SLC22A6: variants seen among roughly 807,000 people sequenced by gnomAD.
The protein encoded by SLC22A6 is solute carrier family 22 member 6.
Under a neutral mutation model 56.7 loss-of-function variants are expected in SLC22A6, and 45 were observed. The observed-to-expected ratio is 0.79, with a 90% CI of 0.63 to 1.02. The LOEUF (loss-of-function observed/expected upper bound fraction) is 1.02. Among genes scored for constraint, SLC22A6 ranks in the 50% least tolerant of loss-of-function variants. The pLI, the probability that SLC22A6 is intolerant of heterozygous loss-of-function variation, is 0.00. For synonymous variants in SLC22A6, 291 were observed against 295.9 expected (o/e 0.98, Z 0.17); for missense variants, 606 against 713.8 (o/e 0.85, Z 1.72).
intron 1 of SLC22A6, 36 bp downstream of exon 1, chr11:62,984,286 A>T: frequency 1.9e-6 from 3 of 1,596,806 alleles, no homozygotes; most frequent in South Asian, 1.1e-5. Flanking sequence ...CCATCTTCCC[A>T]TCTTGGCCCC....
intron 6 of SLC22A6, among the ~76,000 whole-genome samples, chr11:62,980,703 G>A (rs916380057): frequency 1.3e-5 from 2 of 152,224 alleles, no homozygotes; most frequent in Non-Finnish European, 2.9e-5. Flanking sequence ...CATGATGTAA[G>A]TCTATTGACT....
chr11:62,982,771 C>A (rs1377849373), intron 3 of SLC22A6, among the ~76,000 whole-genome samples: 1 of 152,190 alleles, frequency 6.6e-6, no homozygotes, highest in Non-Finnish European at 1.5e-5. Context: ...ACTCAGTCCA[C>A]AAATGTGTCT....
rs756968059 is a variant in SLC22A6 at position 62,981,952 on chromosome 11, G to C, written c.687C>G (p.Val229=). 5.0e-6 allele frequency: 8 copies of C among 1,614,078 alleles called. No individual in the cohort carries two copies. Among genetic ancestry groups the C allele is most frequent in the Non-Finnish European group, 6.8e-6 (8 of 1,180,032 alleles). The change falls in exon 4 of 10, where the codon GTC becomes GTG. Residue 229 remains valine, a synonymous_variant. Transcript: ENST00000360421. ...RACVGTLIGY[V]YSLGQFLLAG... is the part of the protein sequence containing the mutation. ...CCAGGAGGAACTGGCCCAGGCTGTAGACATAGCCAATCAAGGTGCCCACGC... is the reference window on the plus strand; with the variant it reads ...CCAGGAGGAACTGGCCCAGGCTGTACACATAGCCAATCAAGGTGCCCACGC...
intron 8 of SLC22A6, among the ~76,000 whole-genome samples, chr11:62,978,889 C>T (rs183025880): frequency 1.6e-3 from 247 of 151,786 alleles, no homozygotes; most frequent in Non-Finnish European, 1.9e-3. Flanking sequence ...CGTGCCCGGC[C>T]GGTCTTGATC....
chr11:62,983,396 T>G lies in SLC22A6; in HGVS notation c.628+141A>C. The G allele has an allele frequency of 2.4e-6, 2 of 835,280 alleles. No individual in the cohort carries two copies. The highest frequency in any genetic ancestry group is 1.7e-5 in the African/African-American group (1 of 57,456). The allele number at this position is 835,280 out of a possible 1,614,324, so 51.7% of individuals were successfully genotyped here. A position where few individuals can be genotyped will look rare whatever the true frequency, so the allele number is the denominator to read the frequency against. On this transcript the variant is annotated intron_variant, in intron 3 of 9. Transcript: ENST00000360421. The surrounding 1 kb of genome is among the most constrained non-coding windows in gnomAD (Gnocchi z 4.5). ...AGGGCGGCATGAGCCTGAGAAAAGG[T>G]TGTTCTATTGGCAGGAAGGTGAGAC... is the stretch of plus-strand genomic sequence containing the variant.
In SLC22A6 at chr11:62,981,956, T is replaced by C; in HGVS notation, c.683A>G (p.Tyr228Cys). The C allele has an allele frequency of 1.1e-5, 18 of 1,614,142 alleles. No individual in the cohort carries two copies. Among genetic ancestry groups the C allele is most frequent in the Non-Finnish European group, 1.5e-5 (18 of 1,179,996 alleles). Residue 228 changes from tyrosine (Y) to cysteine (C), a missense_variant, in exon 4 of 10, where the codon TAT becomes TGT. By Grantham distance (194) the Tyr-to-Cys change is radical. Transcript: ENST00000360421. ...TRACVGTLIGYVYSLGQFLLA... is the reference protein window; with the variant it reads ...TRACVGTLIGCVYSLGQFLLA... Reference sequence around the variant, plus strand: ...GAGGAACTGGCCCAGGCTGTAGACATAGCCAATCAAGGTGCCCACGCAGGC... The same window carrying C: ...GAGGAACTGGCCCAGGCTGTAGACACAGCCAATCAAGGTGCCCACGCAGGC...
intron 3 of SLC22A6, among the ~76,000 whole-genome samples, 199 bp from the exon 4 acceptor site, chr11:62,982,209 G>A (rs2086263754): frequency 6.6e-6 from 1 of 151,816 alleles, no homozygotes; most frequent in South Asian, 2.1e-4. Flanking sequence ...TCTGGGAACT[G>A]CCCCCTCCAC....
Position 62,979,801 on chromosome 11 carries a change from C to T in SLC22A6, c.1185G>A (p.Arg395=), listed in dbSNP as rs2135092976. 6.2e-7 allele frequency: 1 copy of T among 1,614,188 alleles called. No homozygotes were observed. The highest frequency in any genetic ancestry group is 8.5e-7 in the Non-Finnish European group (1 of 1,180,030). Residue 395 remains arginine, a synonymous_variant, in exon 7 of 10, where the codon CGG becomes CGA. Coordinates refer to ENST00000360421, the MANE Select transcript of SLC22A6 (RefSeq NM_153276.3). ...GCAGCAGTGCAGCCATCTGGGCAGG[C>T]CGGCGACCCAGGGAGTTGATGACAA... ...GFLVINSLGR[R]PAQMAALLLA...
Position 62,979,765 on chromosome 11 carries a change from G to T in SLC22A6, c.1221C>A (p.Ile407=), listed in dbSNP as rs777891707. The T allele has an allele frequency of 1.6e-5, 26 of 1,614,072 alleles. No individual in the cohort carries two copies. The highest frequency in any genetic ancestry group is 2.1e-5 in the Non-Finnish European group (25 of 1,180,048). ...AQMAALLLAG[I]CILLNGVIPQ... ...GTATCACCCCATTGAGCAGGATGCA[G>T]ATGCCTGCCAGCAGCAGTGCAGCCA... Residue 407 remains isoleucine (I), a synonymous_variant, in exon 7 of 10, where the codon ATC becomes ATA. Coordinates refer to ENST00000360421, the MANE Select transcript of SLC22A6 (RefSeq NM_153276.3).
At position 62,976,667 on chromosome 11, in the gene SLC22A6, G is replaced by A; in HGVS notation, c.*127C>T. Reference sequence around the variant, plus strand: ...ATAAAGGGAGGTGGACCCCTGGGAAGATGCTTTCCTGAACCACAACCCCCA... The same window carrying A: ...ATAAAGGGAGGTGGACCCCTGGGAAAATGCTTTCCTGAACCACAACCCCCA... On this transcript the variant is annotated 3_prime_UTR_variant, in exon 10 of 10. Transcript: ENST00000360421. The A allele has an allele frequency of 4.2e-6, 3 of 717,954 alleles. No individual in the cohort carries two copies. Among genetic ancestry groups the A allele is most frequent in the African/African-American group, 3.6e-5 (2 of 56,122 alleles). The allele number at this position is 717,954 out of a possible 1,614,324, so 44.5% of individuals were successfully genotyped here. A position where few individuals can be genotyped will look rare whatever the true frequency, so the allele number is the denominator to read the frequency against.
At chr11:62,984,189 G>C (rs2086289654) in intron 1 of SLC22A6, 133 bp downstream of exon 1, 2 of 1,289,658 alleles carry the variant, frequency 1.6e-6, no homozygotes, top group Admixed American at 5.2e-5. Context: ...CCTGACAGCT[G>C]AGAGCATTTT....
chr11:62,979,662 C>G, intron 7 of SLC22A6, 66 bp from the exon 8 acceptor site: 1 of 1,593,014 alleles, frequency 6.3e-7, no homozygotes, highest in Non-Finnish European at 8.6e-7. Flanking sequence ...TGGCCCCCTC[C>G]CTTCTGAGAT....
chr11:62,977,132 C>A (rs1353974359), intron 9 of SLC22A6, 52 bp downstream of exon 9: 1 of 1,613,722 alleles, frequency 6.2e-7, no homozygotes, highest in Non-Finnish European at 8.5e-7. Context: ...CCACCCCACC[C>A]TGCATGTGTT....
Position 62,981,379 on chromosome 11 carries a change from A to G in SLC22A6, c.802T>C (p.Phe268Leu), listed in dbSNP as rs908700433. Residue 268 changes from phenylalanine (F) to leucine (L), a missense_variant, in exon 5 of 10, where the codon TTC (phenylalanine) becomes CTC (leucine). Coordinates refer to ENST00000360421, the MANE Select transcript of SLC22A6 (RefSeq NM_153276.3). ...FFAFFIYSWF[F>L]IESARWHSSS... is the part of the protein sequence containing the mutation. ...GAGTGCCAGCGGGCCGACTCAATGA[A>G]GAACCTGGGAGCGGGGGTGGGGGTG... is the stretch of plus-strand genomic sequence containing the variant. 11 of 1,175,090 alleles carry G rather than the reference A, an allele frequency of 9.4e-6. No homozygotes were observed. The highest frequency in any genetic ancestry group is 1.2e-5 in the Non-Finnish European group (10 of 869,142). The allele number at this position is 1,175,090 out of a possible 1,614,324, so 72.8% of individuals were successfully genotyped here. A position where few individuals can be genotyped will look rare whatever the true frequency, so the allele number is the denominator to read the frequency against.
chr11:62,982,123 G>C, intron 3 of SLC22A6, 113 bp from the exon 4 acceptor site: 4 of 955,512 alleles, frequency 4.2e-6, no homozygotes, highest in Non-Finnish European at 4.6e-6. Context: ...AAAATGCATC[G>C]AGTAAGTTGA....
rs11568625 is a variant in SLC22A6 at position 62,984,505 on chromosome 11, C to T, written c.186G>A (p.Gly62=). The part of the protein sequence containing the change: ...PADANLSKNG[G]LEVWLPRDRQ... ...TGTCCCGGGGCAGCCAGACCTCCAG[C>T]CCCCCGTTCTTGCTGAGGTTGGCAT... Residue 62 remains glycine, a synonymous_variant, in exon 1 of 10, where the codon GGG becomes GGA. Transcript: ENST00000360421. The T allele has an allele frequency of 8.4e-4, 1,352 of 1,613,916 alleles. 4 individuals carry two copies. The highest frequency in any genetic ancestry group is 1.1e-3 in the Non-Finnish European group (1,262 of 1,179,944).
rs1307631353 is a variant in SLC22A6, at chr11:62,984,559, G to T, written c.132C>A (p.Ile44=). 1 of 1,613,604 alleles carries T rather than the reference G, an allele frequency of 6.2e-7. No homozygotes were observed. The highest frequency in any genetic ancestry group is 8.5e-7 in the Non-Finnish European group (1 of 1,179,796). ...HNTLQNFTAA[I]PTHHCRPPAD... ...CAGGCGGGCGGCAGTGGTGGGTAGG[G>T]ATGGCAGCAGTGAAGTTCTGCAGGG... Residue 44 remains isoleucine, a synonymous_variant, in exon 1 of 10, where the codon ATC becomes ATA. Coordinates refer to ENST00000360421, the MANE Select transcript of SLC22A6 (RefSeq NM_153276.3).
In SLC22A6 at chr11:62,977,493, C is replaced by G. The variant is rs1007483355; in HGVS notation, c.1362-106G>C. Reference sequence around the variant, plus strand: ...GCTCAGGCTCAGCCCCCAGGACACTCCCGGTACCTCCTCTCTTCCCCATTT... The same window carrying G: ...GCTCAGGCTCAGCCCCCAGGACACTGCCGGTACCTCCTCTCTTCCCCATTT... On this transcript the variant is annotated intron_variant, in intron 8 of 9. Transcript: ENST00000360421. 1.5e-5 allele frequency: 19 copies of G among 1,262,852 alleles called. No individual in the cohort carries two copies. In the East Asian group the frequency reaches 4.3e-4, roughly 29 times the overall value. 78.2% of individuals were successfully genotyped at this position (1,262,852 alleles called of 1,614,324 possible).
intron 3 of SLC22A6, 36 bp from the exon 4 acceptor site, chr11:62,982,046 C>A: frequency 6.3e-7 from 1 of 1,586,634 alleles, no homozygotes. Flanking sequence ...CTGCAACTAC[C>A]TGGGCTGCTG....
Sources: gnomAD v4.1 joint callset for allele counts (sites outside exome capture counted in the v4.1 genomes callset) on GRCh38, gnomAD v4.1.1 for gene constraint, Gnocchi (gnomAD v3.1) non-coding constraint, MANE v1.5 for transcripts, NCBI Gene and HGNC (gene_info 2026-07-23, HGNC 2026-07-21) for gene names.